The following ADARB2 variants were observed in gnomAD, a reference collection of about 807,000 sequenced individuals.
The protein encoded by ADARB2 is adenosine deaminase RNA specific B2 (inactive).
In ADARB2, 25 loss-of-function variants were observed where a neutral mutation model predicts 62.2. That is an observed-to-expected ratio of 0.40 (90% CI 0.29 to 0.56). The LOEUF is 0.56. ADARB2 is among the 20% of genes least tolerant of loss of function. The pLI is 0.43. For missense variants in ADARB2, 1,071 were observed against 1,077.4 expected, an observed-to-expected ratio of 0.99 and a Z score of 0.08; for synonymous variants, 572 against 500.8, an observed-to-expected ratio of 1.14 and a Z score of -1.90.
intron 1 of ADARB2, among the ~76,000 whole-genome samples, chr10:1,427,759 A>C (rs958903998): frequency 1.3e-5 from 2 of 152,238 alleles, no homozygotes; most frequent in Non-Finnish European, 2.9e-5. Flanking sequence ...TTATGTTTGC[A>C]TAAAAAACTG....
intron 1 of ADARB2, among the ~76,000 whole-genome samples, chr10:1,473,330 TACA>T (rs1473917225): frequency 6.6e-6 from 1 of 152,216 alleles, no homozygotes; most frequent in East Asian, 1.9e-4. Flanking sequence ...CCCTAATGGA[TACA>T]AATTTGCTGC....
At chr10:1,399,665 C>T (rs1045698022) in intron 1 of ADARB2, among the ~76,000 whole-genome samples, 2 of 152,132 alleles carry the variant, frequency 1.3e-5, no homozygotes, top group Non-Finnish European at 2.9e-5. Flanking sequence ...GAGACGCATT[C>T]GTAAATGTGG....
intron 1 of ADARB2, among the ~76,000 whole-genome samples, chr10:1,677,283 G>A (rs923923105): frequency 3.9e-5 from 6 of 152,166 alleles, no homozygotes; most frequent in African/African-American, 7.2e-5. Context: ...CTGCCGACTC[G>A]GACCACTCTA....
intron 1 of ADARB2, among the ~76,000 whole-genome samples, chr10:1,456,601 C>A (rs915490871): frequency 1.3e-5 from 2 of 152,054 alleles, no homozygotes; most frequent in Admixed American, 6.5e-5. Context: ...CTGCAAGGGA[C>A]CATTTTGGGG....
chr10:1,193,338 TC>T lies in ADARB2; in HGVS notation c.1864+6627del, dbSNP rs35406182. Among the ~76,000 whole-genome samples the T allele has an allele frequency of 3.7e-4, 56 of 152,322 alleles. 1 individual carries two copies. Among genetic ancestry groups the T allele is most frequent in the Admixed American group, 2.0e-3 (31 of 15,308 alleles). ...AGGAGGCTTCAGAAGATGTGAAATT[TC>T]CATGGCAGAGGAAAGAATCTGCATT... On this transcript the variant is annotated intron_variant, in intron 8 of 9. Transcript: ENST00000381312.
intron 1 of ADARB2, among the ~76,000 whole-genome samples, chr10:1,652,528 G>A (rs1037395907): frequency 2.0e-5 from 3 of 152,152 alleles, no homozygotes; most frequent in Non-Finnish European, 4.4e-5. Context: ...CTTCCTCGGG[G>A]GGCAAATGAG....
In ADARB2 at chr10:1,559,326, G is replaced by T. The variant is rs1052416308; in HGVS notation, c.100+177725C>A. ...ATCACTGGCTCTTGGAGCTGTCCCC[G>T]ACAAGGTGTCAAGGGTCCTGAGATG... On this transcript the variant is annotated intron_variant, in intron 1 of 9. Transcript: ENST00000381312. 4.6e-5 allele frequency among the ~76,000 whole-genome samples: 7 copies of T among 152,330 alleles called. No individual in the cohort carries two copies. The East Asian group carries it at 9.6e-4, about 21-fold the overall frequency.
intron 1 of ADARB2, among the ~76,000 whole-genome samples, chr10:1,729,269 A>G (rs575853799): frequency 1.1e-4 from 16 of 152,356 alleles, no homozygotes; most frequent in African/African-American, 3.4e-4. Context: ...AGATCCCCAA[A>G]TTTATAAAAA....
intron 2 of ADARB2, among the ~76,000 whole-genome samples, chr10:1,366,066 T>A (rs549196612): frequency 3.4e-4 from 52 of 152,346 alleles, no homozygotes; most frequent in Middle Eastern, 3.4e-3. Flanking sequence ...ATATTCTTCA[T>A]GCAGCCATGC....
chr10:1,244,766 G>A lies in ADARB2; in HGVS notation c.1193-2467C>T, dbSNP rs117290664. Among the ~76,000 whole-genome samples, 25 of 152,280 alleles carry A rather than the reference G, an allele frequency of 1.6e-4. No homozygotes were observed. In the East Asian group the frequency reaches 1.7e-3, roughly 11 times the overall value. ...CAGTGAGGGAGGAAAAGGGAGAGAC[G>A]GACTCACACCCAGGGAGCTTCTGCA... On this transcript the variant is annotated intron_variant, in intron 4 of 9. Coordinates refer to ENST00000381312, the MANE Select transcript of ADARB2 (RefSeq NM_018702.4).
At chr10:1,437,547 G>A (rs369030124) in intron 1 of ADARB2, among the ~76,000 whole-genome samples, 24 of 152,136 alleles carry the variant, frequency 1.6e-4, no homozygotes, top group African/African-American at 4.6e-4. Context: ...CTGGCTGTGC[G>A]CTGATCTAAA....
At chr10:1,648,510 C>T (rs1398108510) in intron 1 of ADARB2, among the ~76,000 whole-genome samples, 1 of 152,124 alleles carries the variant, frequency 6.6e-6, no homozygotes, top group African/African-American at 2.4e-5. Context: ...AAGTAAATCA[C>T]GTTGTGCTTG....
chr10:1,396,752 T>C (rs1206965625), intron 1 of ADARB2, among the ~76,000 whole-genome samples: 6 of 57,648 alleles, frequency 1.0e-4, no homozygotes, highest in African/African-American at 3.2e-4. Context: ...CCCTCCCGAG[T>C]GCAGGCTTCC....
intron 3 of ADARB2, among the ~76,000 whole-genome samples, chr10:1,283,437 G>A (rs1260216263): frequency 2.0e-5 from 3 of 152,218 alleles, no homozygotes; most frequent in African/African-American, 7.2e-5. Flanking sequence ...ATGGTAGTGT[G>A]CACAGCTTAG....
intron 4 of ADARB2, among the ~76,000 whole-genome samples, chr10:1,254,589 G>C (rs1394766280): frequency 7.2e-5 from 11 of 152,182 alleles, no homozygotes; most frequent in Non-Finnish European, 8.8e-5. Flanking sequence ...TTTAGGCAAT[G>C]TTTTCAGGTT....
chr10:1,631,453 T>A (rs1474242437), intron 1 of ADARB2, among the ~76,000 whole-genome samples: 7 of 152,218 alleles, frequency 4.6e-5, no homozygotes, highest in African/African-American at 1.4e-4. Context: ...TGCCAGGGCG[T>A]ATCACCTTCC....
At chr10:1,453,238 T>C (rs1831060638) in intron 1 of ADARB2, among the ~76,000 whole-genome samples, 1 of 152,254 alleles carries the variant, frequency 6.6e-6, no homozygotes, top group Non-Finnish European at 1.5e-5. Flanking sequence ...CCTTTGCTGA[T>C]TGTGCCCTTT....
chr10:1,671,040 G>C (rs990630878), intron 1 of ADARB2, among the ~76,000 whole-genome samples: 2 of 152,148 alleles, frequency 1.3e-5, no homozygotes, highest in Non-Finnish European at 2.9e-5. Flanking sequence ...TTCTTTCTTT[G>C]AAAAGAAAAG....
chr10:1,298,778 T>C (rs1831547240), intron 3 of ADARB2, among the ~76,000 whole-genome samples: 1 of 113,220 alleles, frequency 8.8e-6, no homozygotes, highest in Non-Finnish European at 1.8e-5. Context: ...TTTTTAGATT[T>C]GCCCAGGCTG....
Sources: allele counts gnomAD v4.1 joint callset (sites outside exome capture counted in the v4.1 genomes callset), GRCh38; gene constraint gnomAD v4.1.1; transcripts MANE v1.5; gene names NCBI Gene and HGNC (gene_info 2026-07-23, HGNC 2026-07-21).